The following RIPK4 variants were observed in gnomAD, a reference collection of about 807,000 sequenced individuals.
RIPK4 encodes the protein receptor interacting serine/threonine kinase 4, also known as receptor-interacting serine/threonine-protein kinase 4.
Under a neutral mutation model 42.9 loss-of-function variants are expected in RIPK4, and 17 were observed. The observed-to-expected ratio is 0.40, with a 90% CI of 0.27 to 0.59. The LOEUF is 0.59. RIPK4 is among the 20% of genes least tolerant of loss of function. The pLI, the probability that RIPK4 is intolerant of heterozygous loss-of-function variation, is 0.47. For synonymous variants in RIPK4, 498 were observed against 499.1 expected (o/e 1.00, Z 0.03); for missense variants, 897 against 1,104.4 (o/e 0.81, Z 2.66).
rs146715898 is a variant in RIPK4, at chr21:41,748,035, A to G, written c.673+1119T>C. Among the ~76,000 whole-genome samples, 112 of 152,366 alleles carry G rather than the reference A, an allele frequency of 7.4e-4. 1 individual carries two copies. The East Asian group carries it at 0.02, about 28-fold the overall frequency. On this transcript the variant is annotated intron_variant, in intron 4 of 7. Coordinates refer to ENST00000332512, the MANE Select transcript of RIPK4 (RefSeq NM_020639.3). The stretch of plus-strand genomic sequence containing the variant: ...GCGCCTAGCTTCGGGTGTCACATCT[A>G]TCAGACACTGCCTCATTTCACAAGC...
Position 41,742,125 on chromosome 21 carries a change from G to A in RIPK4, c.1196-128C>T, listed in dbSNP as rs576773282. 542 of 824,374 alleles carry A rather than the reference G, an allele frequency of 6.6e-4. 2 individuals carry two copies. The highest frequency in any genetic ancestry group is 2.9e-3 in the South Asian group (170 of 59,582). The allele number at this position is 824,374 out of a possible 1,614,324, so 51.1% of individuals were successfully genotyped here. A position where few individuals can be genotyped will look rare whatever the true frequency, so the allele number is the denominator to read the frequency against. On this transcript the variant is annotated intron_variant, in intron 7 of 7. Coordinates refer to ENST00000332512, the MANE Select transcript of RIPK4 (RefSeq NM_020639.3). The surrounding 1 kb of genome is among the most constrained non-coding windows in gnomAD (Gnocchi z 5.1). Reference sequence around the variant, plus strand: ...CCTCCAGGCTGCTCGCTGGTCACCCGACTGTGTTTGAGCGTTGTCTGTGCC... The same window carrying A: ...CCTCCAGGCTGCTCGCTGGTCACCCAACTGTGTTTGAGCGTTGTCTGTGCC...
rs1365356617 is a variant in RIPK4, at chr21:41,739,797, T to A, written c.*1041A>T. 6.6e-6 allele frequency: 1 copy of A among 152,236 alleles called. No homozygotes were observed. Among genetic ancestry groups the A allele is most frequent in the Non-Finnish European group, 1.5e-5 (1 of 68,076 alleles). 9.4% of individuals were successfully genotyped at this position (152,236 alleles called of 1,614,324 possible). On this transcript the variant is annotated 3_prime_UTR_variant, in exon 8 of 8. Coordinates refer to ENST00000332512, the MANE Select transcript of RIPK4 (RefSeq NM_020639.3). ...AAGCAGGTCAGAAACACTCCCCCCA[T>A]ACCCCAAAACACTATCCCTATCCCA... is the stretch of plus-strand genomic sequence containing the variant.
Position 41,752,808 on chromosome 21 carries a change from C to T in RIPK4, c.475-1563G>A, listed in dbSNP as rs80117645. ...TGGACAGAGGGAGGGGAACATCACACGCCGGGCCCTGTCGGTGCGTAGGGG... is the reference window on the plus strand; with the variant it reads ...TGGACAGAGGGAGGGGAACATCACATGCCGGGCCCTGTCGGTGCGTAGGGG... On this transcript the variant is annotated intron_variant, in intron 2 of 7. Coordinates refer to ENST00000332512, the MANE Select transcript of RIPK4 (RefSeq NM_020639.3). 5.2e-3 allele frequency among the ~76,000 whole-genome samples: 793 copies of T among 152,190 alleles called. 16 individuals carry two copies. Among genetic ancestry groups the T allele is most frequent in the African/African-American group, 0.016 (683 of 41,502 alleles).
chr21:41,764,218 C>T lies in RIPK4; in HGVS notation c.182+2642G>A, dbSNP rs577595812. On this transcript the variant is annotated intron_variant, in intron 1 of 7. Transcript: ENST00000332512. ...CTCACATGGCCTGGCGCAGCCTGCT[C>T]ATCAAACAAGCCCCGAGCAGGTGCT... Among the ~76,000 whole-genome samples, 23 of 152,332 alleles carry T rather than the reference C, an allele frequency of 1.5e-4. No individual in the cohort carries two copies. In the South Asian group the frequency reaches 1.7e-3, roughly 11 times the overall value.
intron 5 of RIPK4, chr21:41,746,213 G>A: frequency 1.6e-6 from 1 of 612,468 alleles, no homozygotes; most frequent in Non-Finnish European, 3.0e-6. Flanking sequence ...TCTCATCAGG[G>A]TGACTTTCCT....
Position 41,755,807 on chromosome 21 carries a change from G to A in RIPK4, c.474+718C>T, listed in dbSNP as rs564144682. 7.2e-5 allele frequency among the ~76,000 whole-genome samples: 11 copies of A among 152,322 alleles called. No homozygotes were observed. The highest frequency in any genetic ancestry group is 5.8e-4 in the East Asian group (3 of 5,192). On this transcript the variant is annotated intron_variant, in intron 2 of 7. Transcript: ENST00000332512. The surrounding 1 kb of genome is among the most constrained non-coding windows in gnomAD (Gnocchi z 4.2). ...TCAACGACAGTACAACCCTAGCCACGAAGGCCATCAAAGGAGATACAAGGA... is the reference window on the plus strand; with the variant it reads ...TCAACGACAGTACAACCCTAGCCACAAAGGCCATCAAAGGAGATACAAGGA...
In RIPK4 at chr21:41,742,477, AGT is replaced by A. The variant is rs1179769485; in HGVS notation, c.1196-482_1196-481del. ...TGCTCCAGCTCTTGCCCCACCTCGA[AGT>A]GGCACCTCCTGACCTGGGGAGGTTA... On this transcript the variant is annotated intron_variant, in intron 7 of 7. Coordinates refer to ENST00000332512, the MANE Select transcript of RIPK4 (RefSeq NM_020639.3). This position sits in a 1 kb window ranked among gnomAD's most constrained non-coding sequence, Gnocchi z 5.1. Among the ~76,000 whole-genome samples the A allele has an allele frequency of 1.3e-5, 2 of 152,192 alleles. No homozygotes were observed.
chr21:41,766,816 A>C (rs1307918261), intron 1 of RIPK4, 44 bp downstream of exon 1: 1 of 1,571,662 alleles, frequency 6.4e-7, no homozygotes, highest in African/African-American at 1.4e-5. Flanking sequence ...CCCCGACCCC[A>C]GCCCGGGCCC....
intron 4 of RIPK4, among the ~76,000 whole-genome samples, chr21:41,748,064 C>T (rs910425901): frequency 1.3e-5 from 2 of 152,216 alleles, no homozygotes; most frequent in Non-Finnish European, 2.9e-5. Context: ...CACAAGCCTT[C>T]GGGCTGTAGG....
At position 41,743,910 on chromosome 21, in the gene RIPK4, C is replaced by A; in HGVS notation, c.1167G>T (p.Leu389=). 6.2e-7 allele frequency: 1 copy of A among 1,610,558 alleles called. No individual in the cohort carries two copies. The highest frequency in any genetic ancestry group is 8.5e-7 in the Non-Finnish European group (1 of 1,178,470). The part of the protein sequence containing the change: ...SAFSSRGSLS[L]SFEREPSTSD... ...TGGTTGAAGGTTCCCGCTCAAAGGA[C>A]AGCGACAGTGATCCTCTGGAAGAGA... The change falls in exon 7 of 8, where the codon CTG becomes CTT. Residue 389 remains leucine (L), a synonymous_variant. Transcript: ENST00000332512.
intron 1 of RIPK4, 64 bp from the exon 2 acceptor site, chr21:41,756,880 C>A: frequency 1.3e-6 from 2 of 1,545,498 alleles, no homozygotes; most frequent in Non-Finnish European, 1.7e-6. Context: ...TGGAACAGCA[C>A]CCTGGCCAGA....
At chr21:41,746,357 G>A (rs1031732582) in intron 5 of RIPK4, among the ~76,000 whole-genome samples, 4 of 152,262 alleles carry the variant, frequency 2.6e-5, no homozygotes, top group African/African-American at 9.6e-5. Context: ...ACTCCTCTGG[G>A]TGGCAAGCCC....
rs947146613 is a variant in RIPK4, at chr21:41,755,890, A to G, written c.474+635T>C. Among the ~76,000 whole-genome samples, 2 of 152,240 alleles carry G rather than the reference A, an allele frequency of 1.3e-5. No individual in the cohort carries two copies. Among genetic ancestry groups the G allele is most frequent in the Admixed American group, 1.3e-4 (2 of 15,288 alleles). On this transcript the variant is annotated intron_variant, in intron 2 of 7. Coordinates refer to ENST00000332512, the MANE Select transcript of RIPK4 (RefSeq NM_020639.3). The surrounding 1 kb of genome is among the most constrained non-coding windows in gnomAD (Gnocchi z 4.2). The stretch of plus-strand genomic sequence containing the variant: ...ACACCTGCCAAGGCCCAGAGGCAAC[A>G]CTGGTTTTCAGTTACATTATCTCTC...
chr21:41,744,027 G>T lies in RIPK4; in HGVS notation c.1050C>A (p.Pro350=). 1 of 1,613,168 alleles carries T rather than the reference G, an allele frequency of 6.2e-7. No homozygotes were observed. Among genetic ancestry groups the T allele is most frequent in the Non-Finnish European group, 8.5e-7 (1 of 1,179,976 alleles). ...CAGAGGAGCTGCGGCTGAGCTCCTC[G>T]GGGCCCTCGACAGCCTGGGAAACTC... The part of the protein sequence containing the change: ...DSGVSQAVEG[P]EELSRSSSES... The change falls in exon 7 of 8, where the codon CCC becomes CCA. Residue 350 remains proline, a synonymous_variant. Transcript: ENST00000332512.
chr21:41,744,760 G>A (rs963761529), intron 6 of RIPK4, among the ~76,000 whole-genome samples: 1 of 152,158 alleles, frequency 6.6e-6, no homozygotes, highest in African/African-American at 2.4e-5. Flanking sequence ...ACCTCCCCGC[G>A]GAGCCACGTG....
intron 4 of RIPK4, among the ~76,000 whole-genome samples, chr21:41,747,624 A>C (rs1223065503): frequency 6.6e-6 from 1 of 152,226 alleles, no homozygotes; most frequent in Non-Finnish European, 1.5e-5. Flanking sequence ...AGGATTCCAT[A>C]CAATGTTTTG....
At chr21:41,758,093 A>T (rs2061210704) in intron 1 of RIPK4, among the ~76,000 whole-genome samples, 1 of 147,906 alleles carries the variant, frequency 6.8e-6, no homozygotes. Flanking sequence ...AGTCAAATAG[A>T]CATAACATAG....
At chr21:41,762,251 G>T (rs2061222812) in intron 1 of RIPK4, among the ~76,000 whole-genome samples, 1 of 152,232 alleles carries the variant, frequency 6.6e-6, no homozygotes, top group Non-Finnish European at 1.5e-5. Context: ...CTGGCTTGGG[G>T]TAGACAGGAT....
In RIPK4 at chr21:41,751,075, TG is replaced by T; in HGVS notation, c.623+21del. 5.0e-6 allele frequency: 8 copies of T among 1,604,644 alleles called. No homozygotes were observed. The highest frequency in any genetic ancestry group is 6.8e-6 in the Non-Finnish European group (8 of 1,173,942). On this transcript the variant is annotated intron_variant, in intron 3 of 7. Transcript: ENST00000332512. The surrounding 1 kb of genome is among the most constrained non-coding windows in gnomAD (Gnocchi z 4.5). ...GAGAGCCCCTGGCACCCACAGGGGA[TG>T]GGGGGCGGCATGTCACACACCTGTA...
Sources: allele counts gnomAD v4.1 joint callset (sites outside exome capture counted in the v4.1 genomes callset), GRCh38; gene constraint gnomAD v4.1.1; non-coding constraint Gnocchi (gnomAD v3.1); transcripts MANE v1.5; gene names NCBI Gene and HGNC (gene_info 2026-07-23, HGNC 2026-07-21).